The following KCNIP4 variants were observed in gnomAD, a reference collection of about 807,000 sequenced individuals.
KCNIP4 encodes Kv channel-interacting protein 4.
In KCNIP4, 12 loss-of-function variants were observed where a neutral mutation model predicts 34.0. The observed-to-expected ratio is 0.35, with a 90% CI of 0.23 to 0.57. The LOEUF is 0.57. Among genes scored for constraint, KCNIP4 ranks in the 20% least tolerant of loss-of-function variants. The pLI is 0.83. For missense variants in KCNIP4, 238 were observed against 311.7 expected (o/e 0.76, Z 1.78); for synonymous variants, 124 against 102.2 (o/e 1.21, Z -1.29).
intron 1 of KCNIP4, among the ~76,000 whole-genome samples, chr4:21,883,514 A>G (rs749146453): frequency 6.6e-5 from 10 of 152,240 alleles, no homozygotes; most frequent in Non-Finnish European, 1.2e-4. Context: ...ATAAGATTTT[A>G]TATTTTAAAA....
intron 3 of KCNIP4, among the ~76,000 whole-genome samples, chr4:20,837,623 G>GCT (rs1553903910): frequency 1.7e-4 from 24 of 143,884 alleles, no homozygotes; most frequent in African/African-American, 5.7e-4. Flanking sequence ...AGTTCTCAGT[G>GCT]ATATATATAT....
At chr4:20,889,816 A>G (rs1007968069) in intron 1 of KCNIP4, among the ~76,000 whole-genome samples, 4 of 151,790 alleles carry the variant, frequency 2.6e-5, no homozygotes, top group African/African-American at 9.7e-5. Context: ...CTCTGCATCT[A>G]GAAGTCAAAC....
chr4:20,927,176 A>G (rs972455065), intron 1 of KCNIP4, among the ~76,000 whole-genome samples: 2 of 152,032 alleles, frequency 1.3e-5, no homozygotes, highest in Admixed American at 1.3e-4. Context: ...ACAGGGTTTT[A>G]CCATATTGGC....
intron 3 of KCNIP4, among the ~76,000 whole-genome samples, chr4:20,774,426 TA>T (rs1756193537): frequency 6.6e-6 from 1 of 152,202 alleles, no homozygotes. Context: ...AATAAGTTAC[TA>T]AACTTCTTCA....
intron 1 of KCNIP4, among the ~76,000 whole-genome samples, chr4:21,880,260 T>A (rs1726389090): frequency 6.6e-6 from 1 of 152,196 alleles, no homozygotes; most frequent in Non-Finnish European, 1.5e-5. Context: ...AATAGCCTAA[T>A]GGAAATGTTT....
chr4:20,769,483 G>A (rs1392416221), intron 3 of KCNIP4, among the ~76,000 whole-genome samples: 1 of 152,124 alleles, frequency 6.6e-6, no homozygotes, highest in East Asian at 1.9e-4. Context: ...AAATTATGAT[G>A]TAGTGAAATT....
chr4:21,520,923 C>T (rs1735466573), intron 1 of KCNIP4, among the ~76,000 whole-genome samples: 1 of 152,070 alleles, frequency 6.6e-6, no homozygotes, highest in Non-Finnish European at 1.5e-5. Context: ...ATTCTTATTC[C>T]ATTATCTTTT....
At chr4:21,548,975 T>C (rs1469460729) in intron 1 of KCNIP4, among the ~76,000 whole-genome samples, 1 of 151,966 alleles carries the variant, frequency 6.6e-6, no homozygotes, top group African/African-American at 2.4e-5. Context: ...CATGATAAGA[T>C]GCTTAGAAGA....
At chr4:21,833,950 T>C (rs1393055171) in intron 1 of KCNIP4, among the ~76,000 whole-genome samples, 1 of 151,908 alleles carries the variant, frequency 6.6e-6, no homozygotes, top group Non-Finnish European at 1.5e-5. Flanking sequence ...CATTGATCTA[T>C]ATCTCTGTTT....
chr4:21,596,696 G>C (rs548133324), intron 1 of KCNIP4, among the ~76,000 whole-genome samples: 1 of 152,090 alleles, frequency 6.6e-6, no homozygotes, highest in African/African-American at 2.4e-5. Flanking sequence ...GAATTACTCC[G>C]TTAGAATAAT....
At chr4:20,829,929 G>T (rs1718218466) in intron 3 of KCNIP4, among the ~76,000 whole-genome samples, 1 of 152,018 alleles carries the variant, frequency 6.6e-6, no homozygotes, top group African/African-American at 2.4e-5. Flanking sequence ...TTATATATAT[G>T]CAACTACTTA....
At chr4:20,797,928 G>T (rs1713690279) in intron 3 of KCNIP4, among the ~76,000 whole-genome samples, 1 of 152,208 alleles carries the variant, frequency 6.6e-6, no homozygotes, top group African/African-American at 2.4e-5. Context: ...CAGTGATGGT[G>T]TGCTGGACTT....
At chr4:21,912,510 G>T (rs544537918) in intron 1 of KCNIP4, among the ~76,000 whole-genome samples, 2 of 152,078 alleles carry the variant, frequency 1.3e-5, no homozygotes, top group Non-Finnish European at 2.9e-5. Flanking sequence ...AAGTCAAATC[G>T]ATGTTAGAGC....
At chr4:21,334,477 C>T (rs1019301596) in intron 1 of KCNIP4, among the ~76,000 whole-genome samples, 1 of 151,998 alleles carries the variant, frequency 6.6e-6, no homozygotes, top group African/African-American at 2.4e-5. Context: ...CTTTTAGGAA[C>T]AAGCTATTCC....
At chr4:21,708,090 T>C (rs907889836) in intron 1 of KCNIP4, among the ~76,000 whole-genome samples, 3 of 152,070 alleles carry the variant, frequency 2.0e-5, no homozygotes, top group Non-Finnish European at 4.4e-5. Flanking sequence ...GAACATAATA[T>C]CATATTGTTT....
chr4:21,552,629 T>A (rs1343202579), intron 1 of KCNIP4, among the ~76,000 whole-genome samples: 1 of 152,142 alleles, frequency 6.6e-6, no homozygotes, highest in African/African-American at 2.4e-5. Flanking sequence ...GAGAATACTT[T>A]TATTTATAAA....
chr4:21,603,069 T>C lies in KCNIP4; in HGVS notation c.61+345502A>G, dbSNP rs576610157. 5.9e-5 allele frequency among the ~76,000 whole-genome samples: 9 copies of C among 152,312 alleles called. No homozygotes were observed. The South Asian group carries it at 6.2e-4, about 11-fold the overall frequency. ...TTTTGGAAAAAACAACTTTTAACAA[T>C]ACTTACAAGACTCATGATTATTTCT... On this transcript the variant is annotated intron_variant, in intron 1 of 8. Transcript: ENST00000382152.
chr4:21,266,373 T>C (rs1761809345), intron 1 of KCNIP4, among the ~76,000 whole-genome samples: 1 of 151,392 alleles, frequency 6.6e-6, no homozygotes, highest in Non-Finnish European at 1.5e-5. Flanking sequence ...AGTAACAAAT[T>C]ATTCCTTAAA....
chr4:20,730,037 G>A lies in KCNIP4; in HGVS notation c.*45C>T. 6.3e-7 allele frequency: 1 copy of A among 1,585,486 alleles called. No individual in the cohort carries two copies. The highest frequency in any genetic ancestry group is 8.6e-7 in the Non-Finnish European group (1 of 1,168,124). ...GGTAGCTCCAACTTTAAGGGTGGTA[G>A]AATAGTTCACATTTGTCTGTTGGAT... On this transcript the variant is annotated 3_prime_UTR_variant, in exon 9 of 9. Transcript: ENST00000382152.
Sources: gnomAD v4.1 joint callset for allele counts (sites outside exome capture counted in the v4.1 genomes callset) on GRCh38, gnomAD v4.1.1 for gene constraint, MANE v1.5 for transcripts, NCBI Gene and HGNC (gene_info 2026-07-23, HGNC 2026-07-21) for gene names.